OSCP1: variants seen among roughly 807,000 people sequenced by gnomAD.
The protein encoded by OSCP1 is protein OSCP1.
OSCP1 carries 35 observed loss-of-function variants against 45.1 expected under a neutral mutation model. That is an observed-to-expected ratio of 0.78 (90% CI 0.59 to 1.03). The LOEUF is 1.03. Ranked by LOEUF, OSCP1 falls within the 50% of genes least tolerant of loss-of-function variation. The probability of loss-of-function intolerance (pLI) is 0.00; values close to 1 mark genes in which losing one functional copy is unlikely to be tolerated. For synonymous variants in OSCP1, 179 were observed against 180.1 expected (o/e 0.99, Z 0.05); for missense variants, 400 against 470.7 (o/e 0.85, Z 1.39).
chr1:36,433,538 T>C (rs1432698351), intron 2 of OSCP1, among the ~76,000 whole-genome samples: 1 of 152,036 alleles, frequency 6.6e-6, no homozygotes, highest in African/African-American at 2.4e-5. Flanking sequence ...AAACTAACTA[T>C]TGGGTACTAT....
intron 2 of OSCP1, among the ~76,000 whole-genome samples, chr1:36,434,723 C>G (rs1419433725): frequency 7.6e-6 from 1 of 131,900 alleles, no homozygotes; most frequent in Non-Finnish European, 1.5e-5. Context: ...GCACTCTAGC[C>G]TGGGTGACAG....
intron 7 of OSCP1, 99 bp from the exon 8 acceptor site, chr1:36,420,714 C>A: frequency 7.0e-7 from 1 of 1,425,798 alleles, no homozygotes; most frequent in Admixed American, 2.3e-5. Flanking sequence ...TAAGGTAGAA[C>A]AATTGCTATT....
intron 1 of OSCP1, among the ~76,000 whole-genome samples, chr1:36,443,351 C>T (rs909152803): frequency 2.6e-5 from 4 of 152,188 alleles, no homozygotes; most frequent in African/African-American, 7.2e-5. Context: ...ATGATAGGCA[C>T]ACACCACACC....
In OSCP1 at chr1:36,450,439, G is replaced by T; in HGVS notation, c.-70C>A. 2.3e-6 allele frequency: 3 copies of T among 1,296,106 alleles called. No homozygotes were observed. The highest frequency in any genetic ancestry group is 2.4e-5 in the East Asian group (1 of 42,492). 80.3% of individuals were successfully genotyped at this position (1,296,106 alleles called of 1,614,324 possible). ...TAGCCAGTGGCCTGAAGGCCAGGCC[G>T]CAGCGTCCCAATAGTCCGGTTGCTG... On this transcript the variant is annotated 5_prime_UTR_variant, in exon 1 of 10. Transcript: ENST00000235532.
rs545095718 is a variant in OSCP1 at position 36,434,299 on chromosome 1, A to G, written c.268-1710T>C. On this transcript the variant is annotated intron_variant, in intron 2 of 9. Transcript: ENST00000235532. Reference sequence around the variant, plus strand: ...ATGAGGTAGGTATTAGCCCAGTTTAATAATGAGGAAACTTGCCTAATTTCA... The same window carrying G: ...ATGAGGTAGGTATTAGCCCAGTTTAGTAATGAGGAAACTTGCCTAATTTCA... Among the ~76,000 whole-genome samples the G allele has an allele frequency of 7.2e-5, 11 of 152,352 alleles. No individual in the cohort carries two copies. The South Asian group carries it at 2.3e-3, about 32-fold the overall frequency.
chr1:36,449,939 G>C (rs373597119), intron 1 of OSCP1, among the ~76,000 whole-genome samples: 2 of 148,540 alleles, frequency 1.3e-5, no homozygotes, highest in South Asian at 2.2e-4. Context: ...ATGGTGGGCA[G>C]CTGGGACTCC....
chr1:36,423,898 G>T (rs1239420561), intron 4 of OSCP1, among the ~76,000 whole-genome samples: 2 of 151,682 alleles, frequency 1.3e-5, no homozygotes, highest in Non-Finnish European at 1.5e-5. Context: ...ATAAAAAAAA[G>T]AAGGGAGAAA....
chr1:36,448,123 A>G (rs968487904), intron 1 of OSCP1, among the ~76,000 whole-genome samples: 1 of 152,222 alleles, frequency 6.6e-6, no homozygotes, highest in Non-Finnish European at 1.5e-5. Context: ...TATATGTATT[A>G]TTACCATTTT....
At chr1:36,448,308 C>T (rs1649663715) in intron 1 of OSCP1, among the ~76,000 whole-genome samples, 1 of 152,160 alleles carries the variant, frequency 6.6e-6, no homozygotes, top group African/African-American at 2.4e-5. Flanking sequence ...AGCATGTCAC[C>T]TCATTGGTGC....
chr1:36,421,020 C>A (rs1020574232), intron 7 of OSCP1, among the ~76,000 whole-genome samples: 1 of 152,208 alleles, frequency 6.6e-6, no homozygotes, highest in Non-Finnish European at 1.5e-5. Context: ...CGGGAACACA[C>A]CCTCGAGTCC....
chr1:36,420,348 T>C (rs1647543007), intron 8 of OSCP1, 128 bp downstream of exon 8: 1 of 1,148,466 alleles, frequency 8.7e-7, no homozygotes, highest in South Asian at 1.6e-5. Flanking sequence ...ATTATTAAAT[T>C]TGTTGGTATT....
At chr1:36,425,532 A>G (rs1647912384) in intron 4 of OSCP1, among the ~76,000 whole-genome samples, 1 of 152,118 alleles carries the variant, frequency 6.6e-6, no homozygotes, top group African/African-American at 2.4e-5. Context: ...CAGGAGTTCA[A>G]GACCAGCCTG....
At position 36,447,376 on chromosome 1, in the gene OSCP1, C is replaced by T. The variant is rs1233503696; in HGVS notation, c.112+2882G>A. Among the ~76,000 whole-genome samples, 1 of 152,228 alleles carries T rather than the reference C, an allele frequency of 6.6e-6. No homozygotes were observed. Among genetic ancestry groups the T allele is most frequent in the Non-Finnish European group, 1.5e-5 (1 of 68,044 alleles). ...ATATATATTTTTCAGACTCCTCCCT[C>T]TCCTCCTGACCTACCAACCCCCACT... On this transcript the variant is annotated intron_variant, in intron 1 of 9. Transcript: ENST00000235532. The surrounding 1 kb of genome is among the most constrained non-coding windows in gnomAD (Gnocchi z 4.1).
chr1:36,419,273 G>A (rs577729898), intron 8 of OSCP1: 2 of 540,004 alleles, frequency 3.7e-6, no homozygotes, highest in East Asian at 6.0e-5. Flanking sequence ...TGCCAAGAAT[G>A]TTTCTTCCCT....
chr1:36,433,558 C>A (rs1375452045), intron 2 of OSCP1, among the ~76,000 whole-genome samples: 1 of 152,110 alleles, frequency 6.6e-6, no homozygotes, highest in Non-Finnish European at 1.5e-5. Flanking sequence ...TGCTGACTAC[C>A]TGACTGATGG....
intron 4 of OSCP1, among the ~76,000 whole-genome samples, chr1:36,430,032 C>T (rs1054554860): frequency 5.9e-5 from 9 of 152,036 alleles, no homozygotes; most frequent in Admixed American, 6.6e-5. Flanking sequence ...CTCCTGACCA[C>T]GTGATCCACC....
At chr1:36,438,973 C>T (rs938463137) in intron 1 of OSCP1, 63 bp from the exon 2 acceptor site, 1 of 1,556,170 alleles carries the variant, frequency 6.4e-7, no homozygotes, top group Non-Finnish European at 8.8e-7. Context: ...CCGAAATGCT[C>T]TTTGTGTGCA....
intron 4 of OSCP1, among the ~76,000 whole-genome samples, chr1:36,425,505 C>T (rs1342734516): frequency 2.6e-5 from 4 of 151,934 alleles, no homozygotes; most frequent in Non-Finnish European, 4.4e-5. Flanking sequence ...GAGGCTGAGG[C>T]GGGAGGATCA....
At chr1:36,443,344 A>G (rs1185368730) in intron 1 of OSCP1, among the ~76,000 whole-genome samples, 4 of 152,192 alleles carry the variant, frequency 2.6e-5, no homozygotes, top group Admixed American at 2.6e-4. Context: ...ATGGCTGATG[A>G]TAGGCACACA....
Sources: gnomAD v4.1 joint callset for allele counts (sites outside exome capture counted in the v4.1 genomes callset) on GRCh38, gnomAD v4.1.1 for gene constraint, Gnocchi (gnomAD v3.1) non-coding constraint, MANE v1.5 for transcripts, NCBI Gene and HGNC (gene_info 2026-07-23, HGNC 2026-07-21) for gene names.